The following TOX2 variants were observed in gnomAD, a reference collection of about 807,000 sequenced individuals.
TOX2 encodes TOX high mobility group box family member 2.
A neutral mutation model predicts 47.4 loss-of-function variants in TOX2; 15 were observed. The observed-to-expected ratio is 0.32, with a 90% confidence interval of 0.21 to 0.49. The LOEUF is 0.49. Ranked by LOEUF, TOX2 falls within the 20% of genes least tolerant of loss-of-function variation. The probability of loss-of-function intolerance (pLI) is 0.99; values close to 1 mark genes in which losing one functional copy is unlikely to be tolerated. For missense variants in TOX2, 622 were observed against 673.1 expected (o/e 0.92, Z 0.84); for synonymous variants, 290 against 296.6 (o/e 0.98, Z 0.23).
At chr20:44,053,368 G>A (rs186473957) in intron 4 of TOX2, among the ~76,000 whole-genome samples, 21 of 151,932 alleles carry the variant, frequency 1.4e-4, no homozygotes, top group Non-Finnish European at 1.9e-4. Context: ...GAAACATGGC[G>A]GTGGAGACCA....
intron 3 of TOX2, among the ~76,000 whole-genome samples, chr20:44,031,423 G>A (rs764391509): frequency 1.3e-5 from 2 of 152,208 alleles, no homozygotes; most frequent in Non-Finnish European, 2.9e-5. Flanking sequence ...TTAGTAGCAT[G>A]GGTTGTGCTA....
At chr20:44,055,318 C>T (rs2071597336) in intron 5 of TOX2, among the ~76,000 whole-genome samples, 1 of 152,126 alleles carries the variant, frequency 6.6e-6, no homozygotes, top group Non-Finnish European at 1.5e-5. Flanking sequence ...CAGGAGGGTA[C>T]ATAGTTCATG....
chr20:44,030,482 A>G (rs1384512868), intron 3 of TOX2, among the ~76,000 whole-genome samples: 2 of 152,162 alleles, frequency 1.3e-5, no homozygotes, highest in African/African-American at 2.4e-5. Flanking sequence ...AGGCCCACCC[A>G]GCCTGGCCCC....
chr20:43,969,943 A>T (rs1441317039), intron 1 of TOX2, among the ~76,000 whole-genome samples: 1 of 151,910 alleles, frequency 6.6e-6, no homozygotes, highest in Non-Finnish European at 1.5e-5. Flanking sequence ...TGCCCCTAAC[A>T]CACTCGTGTC....
chr20:44,035,227 G>A lies in TOX2; in HGVS notation c.412-16079G>A, dbSNP rs1309730135. Among the ~76,000 whole-genome samples, 4 of 152,274 alleles carry A rather than the reference G, an allele frequency of 2.6e-5. No homozygotes were observed. The South Asian group carries it at 8.3e-4, about 32-fold the overall frequency. On this transcript the variant is annotated intron_variant, in intron 3 of 8. Transcript: ENST00000341197. ...CGTCCTCCCCTGCTGAAATCCCTTCGATGGCTCCCCATGGGTCTGGGAGAG... is the reference window on the plus strand; with the variant it reads ...CGTCCTCCCCTGCTGAAATCCCTTCAATGGCTCCCCATGGGTCTGGGAGAG...
In TOX2 at chr20:44,019,113, A is replaced by AAATG. The variant is rs564796604; in HGVS notation, c.411+12344_411+12347dup. ...CTGACTGACTGACTGACTGACTGAA[A>AAATG]AATGAATGAATGAATGAATGAATGA... On this transcript the variant is annotated intron_variant, in intron 3 of 8. Transcript: ENST00000341197. Among the ~76,000 whole-genome samples, 124 of 148,506 alleles carry AAATG rather than the reference A, an allele frequency of 8.3e-4. 4 individuals are homozygous for AAATG. Among genetic ancestry groups the AAATG allele is most frequent in the East Asian group, 7.7e-3 (40 of 5,170 alleles).
At chr20:43,978,747 G>C (rs1371824604) in intron 2 of TOX2, among the ~76,000 whole-genome samples, 1 of 148,396 alleles carries the variant, frequency 6.7e-6, no homozygotes, top group Non-Finnish European at 1.5e-5. Flanking sequence ...TTTTTTACAG[G>C]AATTATTGAA....
intron 1 of TOX2, among the ~76,000 whole-genome samples, chr20:43,954,947 G>A (rs970871561): frequency 6.6e-6 from 1 of 152,144 alleles, no homozygotes; most frequent in Non-Finnish European, 1.5e-5. Context: ...GTGACTCCTG[G>A]TGCTTGATTC....
rs1457004040 is a variant in TOX2, at chr20:43,916,780, TG to T, written c.99+1795del. Among the ~76,000 whole-genome samples, 1 of 151,854 alleles carries T rather than the reference TG, an allele frequency of 6.6e-6. No homozygotes were observed. Among genetic ancestry groups the T allele is most frequent in the East Asian group, 1.9e-4 (1 of 5,164 alleles). ...ATTTGTGCCTCAAAGTCTGAGTGGGTGGGGGTTTAGCCTGGAGCGCTCCGTT... is the reference window on the plus strand; with the variant it reads ...ATTTGTGCCTCAAAGTCTGAGTGGGTGGGGTTTAGCCTGGAGCGCTCCGTT... On this transcript the variant is annotated intron_variant, in intron 1 of 8. Transcript: ENST00000341197. The surrounding 1 kb of genome is among the most constrained non-coding windows in gnomAD (Gnocchi z 5.0).
intron 1 of TOX2, among the ~76,000 whole-genome samples, chr20:43,937,789 A>C (rs999619433): frequency 6.6e-6 from 1 of 152,136 alleles, no homozygotes; most frequent in South Asian, 2.1e-4. Context: ...GCAGCCTTTG[A>C]TGTCCCTGGA....
intron 2 of TOX2, among the ~76,000 whole-genome samples, chr20:43,975,767 C>T (rs1017654109): frequency 6.6e-6 from 1 of 151,976 alleles, no homozygotes; most frequent in Non-Finnish European, 1.5e-5. Flanking sequence ...TTAGTTAATG[C>T]CTGATTTCCA....
chr20:43,928,352 A>C (rs2069205002), intron 1 of TOX2, among the ~76,000 whole-genome samples: 1 of 152,242 alleles, frequency 6.6e-6, no homozygotes, highest in Non-Finnish European at 1.5e-5. Flanking sequence ...ACAGATGCCT[A>C]AGAGCCAGGC....
intron 5 of TOX2, among the ~76,000 whole-genome samples, chr20:44,058,423 G>T (rs2071660068): frequency 6.6e-6 from 1 of 152,110 alleles, no homozygotes; most frequent in South Asian, 2.1e-4. Context: ...GCCCCTACCT[G>T]ATGGTCTTTC....
intron 3 of TOX2, among the ~76,000 whole-genome samples, chr20:44,015,851 C>T (rs1016494147): frequency 1.3e-5 from 2 of 152,044 alleles, no homozygotes; most frequent in African/African-American, 4.8e-5. Context: ...AATCTGTCGG[C>T]GTTCTTTAGT....
intron 8 of TOX2, 39 bp downstream of exon 8, chr20:44,066,896 A>G: frequency 6.3e-7 from 1 of 1,589,584 alleles, no homozygotes; most frequent in Non-Finnish European, 8.6e-7. Context: ...CCTGCCAGCC[A>G]GGGAGAGTGG....
At chr20:44,020,961 T>C (rs1043676636) in intron 3 of TOX2, among the ~76,000 whole-genome samples, 7 of 152,104 alleles carry the variant, frequency 4.6e-5, no homozygotes, top group East Asian at 1.9e-4. Flanking sequence ...GCACCTCCCA[T>C]TGGGACAGGC....
intron 3 of TOX2, among the ~76,000 whole-genome samples, chr20:44,048,388 T>TATATATATA (rs1555845974): frequency 2.4e-4 from 21 of 86,848 alleles, no homozygotes; most frequent in African/African-American, 9.5e-4. Flanking sequence ...TAAAATGAAT[T>TATATATATA]TATATATATA....
intron 1 of TOX2, among the ~76,000 whole-genome samples, chr20:43,955,767 C>T (rs922526764): frequency 1.3e-5 from 2 of 152,206 alleles, no homozygotes; most frequent in Non-Finnish European, 2.9e-5. Flanking sequence ...AGTTTTGAAT[C>T]ACTGCCACGC....
intron 1 of TOX2, among the ~76,000 whole-genome samples, chr20:43,964,185 T>C (rs1253194027): frequency 6.6e-6 from 1 of 151,918 alleles, no homozygotes; most frequent in Non-Finnish European, 1.5e-5. Context: ...GTATCCACTG[T>C]GCCATCATGT....
Sources: gnomAD v4.1 joint callset for allele counts (sites outside exome capture counted in the v4.1 genomes callset) on GRCh38, gnomAD v4.1.1 for gene constraint, Gnocchi (gnomAD v3.1) non-coding constraint, MANE v1.5 for transcripts, NCBI Gene and HGNC (gene_info 2026-07-23, HGNC 2026-07-21) for gene names.